Variants in SETD2 observed in about 807,000 individuals in gnomAD.
The protein encoded by SETD2 is histone-lysine N-methyltransferase SETD2.
Under a neutral mutation model 242.1 loss-of-function variants are expected in SETD2, and 31 were observed. That is an observed-to-expected ratio of 0.13 (90% CI 0.10 to 0.17). The LOEUF (loss-of-function observed/expected upper bound fraction) is 0.17, where lower values mean the gene tolerates loss of function less well. Among genes scored for constraint, SETD2 ranks in the 10% least tolerant of loss-of-function variants. The pLI, the probability that SETD2 is intolerant of heterozygous loss-of-function variation, is 1.00. For missense variants in SETD2, 2,481 were observed against 3,046.3 expected (o/e 0.81, Z 4.37); for synonymous variants, 1,006 against 1,066.5 (o/e 0.94, Z 1.11).
intron 16 of SETD2, among the ~76,000 whole-genome samples, chr3:47,043,934 A>G (rs2039398594): frequency 1.3e-5 from 2 of 152,150 alleles, no homozygotes; most frequent in Non-Finnish European, 2.9e-5. Context: ...CTTATTCCCA[A>G]CACAAAACTT....
At chr3:47,095,230 G>C (rs1286416721) in intron 9 of SETD2, among the ~76,000 whole-genome samples, 1 of 152,130 alleles carries the variant, frequency 6.6e-6, no homozygotes, top group Admixed American at 6.5e-5. Context: ...CTGCCTCCTG[G>C]GTTCAAGCAA....
Position 47,084,905 on chromosome 3 carries a change from T to TG in SETD2, c.5398-524_5398-523insC, listed in dbSNP as rs562539536. Among the ~76,000 whole-genome samples the TG allele has an allele frequency of 7.7e-3, 1,164 of 150,890 alleles. 7 individuals are homozygous for TG. Among genetic ancestry groups the TG allele is most frequent in the Non-Finnish European group, 0.012 (808 of 67,660 alleles). ...ACCACCATGCACAGCTTTTTTTTTT[T>TG]TTTTTAGTAGAGATGGGGTTTCTCC... On this transcript the variant is annotated intron_variant, in intron 11 of 20. Transcript: ENST00000409792.
chr3:47,040,932 A>T (rs1448994524), intron 17 of SETD2, among the ~76,000 whole-genome samples: 5 of 152,220 alleles, frequency 3.3e-5, no homozygotes, highest in South Asian at 2.1e-4. Context: ...ACTATTGTTT[A>T]ATGGTAAGCT....
chr3:47,125,035 T>G (rs1017008345), intron 2 of SETD2, among the ~76,000 whole-genome samples: 2 of 152,148 alleles, frequency 1.3e-5, no homozygotes, highest in African/African-American at 4.8e-5. Flanking sequence ...AATACTCATC[T>G]GGGTCGAGCA....
chr3:47,032,285 G>T (rs2038804272), intron 18 of SETD2, among the ~76,000 whole-genome samples: 1 of 151,688 alleles, frequency 6.6e-6, no homozygotes, highest in Non-Finnish European at 1.5e-5. Flanking sequence ...GCCACAACAG[G>T]AAAATTGCTT....
chr3:47,091,284 T>C (rs2041792991), intron 9 of SETD2, among the ~76,000 whole-genome samples: 1 of 152,192 alleles, frequency 6.6e-6, no homozygotes, highest in Non-Finnish European at 1.5e-5. Flanking sequence ...ACAGCCAGAA[T>C]ACTGCTTTTG....
chr3:47,112,115 C>A (rs908613185), intron 5 of SETD2, among the ~76,000 whole-genome samples: 3 of 128,686 alleles, frequency 2.3e-5, no homozygotes, highest in African/African-American at 8.9e-5. Flanking sequence ...ATTAAGAATA[C>A]TTTTTTTTTT....
rs1468693176 is a variant in SETD2, at chr3:47,017,444, A to C, written c.7534-190T>G. On this transcript the variant is annotated intron_variant, in intron 20 of 20. Coordinates refer to ENST00000409792, the MANE Select transcript of SETD2 (RefSeq NM_014159.7). This position sits in a 1 kb window ranked among gnomAD's most constrained non-coding sequence, Gnocchi z 4.8. ...CAGAAAGGACAAGCTGAGCTCTGAAAATTTCTTAGAGAACTACTGCTGTCA... is the reference window on the plus strand; with the variant it reads ...CAGAAAGGACAAGCTGAGCTCTGAACATTTCTTAGAGAACTACTGCTGTCA... Among the ~76,000 whole-genome samples, 1 of 152,032 alleles carries C rather than the reference A, an allele frequency of 6.6e-6. No individual in the cohort carries two copies. The highest frequency in any genetic ancestry group is 1.5e-5 in the Non-Finnish European group (1 of 67,988).
chr3:47,089,949 T>C (rs1034463512), intron 9 of SETD2, among the ~76,000 whole-genome samples: 3 of 151,944 alleles, frequency 2.0e-5, no homozygotes, highest in Non-Finnish European at 4.4e-5. Context: ...AGAAAAACCA[T>C]ACCAAATAAA....
intron 1 of SETD2, 106 bp downstream of exon 1, chr3:47,163,748 C>CACCG: frequency 8.9e-7 from 1 of 1,129,680 alleles, no homozygotes. Context: ...CACCGTGGGC[C>CACCG]TGTTACTCCT....
chr3:47,121,812 C>T lies in SETD2; in HGVS notation c.2824G>A (p.Gly942Arg), dbSNP rs587778672. 8 of 1,614,112 alleles carry T rather than the reference C, an allele frequency of 5.0e-6. No individual in the cohort carries two copies. Among genetic ancestry groups the T allele is most frequent in the East Asian group, 4.5e-5 (2 of 44,878 alleles). The change falls in exon 3 of 21, where the codon GGA becomes AGA. Residue 942 changes from glycine to arginine, a missense_variant. Gly to Arg is a moderately radical substitution (Grantham distance 125). Around this residue, in one of 17 missense-constraint regions of SETD2, gnomAD observed 1,300 missense variants for 1,259.2 expected, o/e 1.03. Coordinates refer to ENST00000409792, the MANE Select transcript of SETD2 (RefSeq NM_014159.7). ...VGSDLPDSGK[G>R]FASRENRRNN... Reference sequence around the variant, plus strand: ...CGCCTGTTCTCCCTGGAAGCAAATCCCTTTCCTGAATCAGGAAGGTCACTA... The same window carrying T: ...CGCCTGTTCTCCCTGGAAGCAAATCTCTTTCCTGAATCAGGAAGGTCACTA...
At chr3:47,065,478 CTAAG>C (rs1318501257) in intron 13 of SETD2, among the ~76,000 whole-genome samples, 2 of 151,964 alleles carry the variant, frequency 1.3e-5, no homozygotes, top group African/African-American at 4.8e-5. Context: ...CCTTGAATCT[CTAAG>C]TAAGTGTGCT....
chr3:47,097,231 C>T (rs1335492741), intron 9 of SETD2, among the ~76,000 whole-genome samples: 2 of 152,104 alleles, frequency 1.3e-5, no homozygotes, highest in Admixed American at 6.5e-5. Context: ...TAGAGAGTAG[C>T]CCAAAAATGT....
intron 1 of SETD2, among the ~76,000 whole-genome samples, chr3:47,141,141 A>T (rs1212145058): frequency 7.4e-6 from 1 of 134,230 alleles, no homozygotes; most frequent in African/African-American, 2.9e-5. Context: ...CCAAGTAGCT[A>T]GGATTATAGG....
chr3:47,107,245 A>G (rs1166309429), intron 5 of SETD2, among the ~76,000 whole-genome samples: 3 of 152,164 alleles, frequency 2.0e-5, no homozygotes, highest in African/African-American at 7.2e-5. Context: ...ACATACCCTA[A>G]TTCTAATGAA....
intron 15 of SETD2, among the ~76,000 whole-genome samples, chr3:47,049,345 A>ATATGTATTCT (rs1553682177): frequency 1.1e-3 from 123 of 111,050 alleles, no homozygotes; most frequent in African/African-American, 4.6e-3. Context: ...ATATATATAT[A>ATATGTATTCT]TATGTATTCT....
intron 15 of SETD2, among the ~76,000 whole-genome samples, chr3:47,049,993 TTA>T (rs2039752455): frequency 6.8e-6 from 1 of 147,384 alleles, no homozygotes; most frequent in Non-Finnish European, 1.5e-5. Flanking sequence ...ATATATAAAT[TTA>T]TGTTTCTTAT....
intron 5 of SETD2, among the ~76,000 whole-genome samples, chr3:47,112,829 A>C (rs2042712358): frequency 6.6e-6 from 1 of 152,178 alleles, no homozygotes. Context: ...ACTTCAGGTG[A>C]TCCACTCACC....
At chr3:47,112,447 A>G (rs2042694243) in intron 5 of SETD2, among the ~76,000 whole-genome samples, 1 of 151,950 alleles carries the variant, frequency 6.6e-6, no homozygotes, top group Non-Finnish European at 1.5e-5. Context: ...ACATCCAGCT[A>G]ATTTTTGTAT....
Sources: allele counts gnomAD v4.1 joint callset (sites outside exome capture counted in the v4.1 genomes callset), GRCh38; gene constraint gnomAD v4.1.1; regional missense constraint gnomAD v4.1.1; non-coding constraint Gnocchi (gnomAD v3.1); transcripts MANE v1.5; gene names NCBI Gene and HGNC (gene_info 2026-07-23, HGNC 2026-07-21).